The following FBXL2 variants were observed in gnomAD, a reference collection of about 807,000 sequenced individuals.
The protein encoded by FBXL2 is F-box and leucine rich repeat protein 2.
FBXL2 carries 38 observed loss-of-function variants against 69.2 expected under a neutral mutation model. That is an observed-to-expected ratio of 0.55 (90% CI 0.42 to 0.72). The LOEUF (loss-of-function observed/expected upper bound fraction) is 0.72. Ranked by LOEUF, FBXL2 falls within the 30% of genes least tolerant of loss-of-function variation. The pLI is 0.00. For missense variants in FBXL2, 354 were observed against 520.3 expected (o/e 0.68, Z 3.11); for synonymous variants, 192 against 201.3 (o/e 0.95, Z 0.39).
chr3:33,317,344 C>A, intron 2 of FBXL2: 1 of 397,760 alleles, frequency 2.5e-6, no homozygotes, highest in Non-Finnish European at 5.1e-6. Flanking sequence ...AAACCCAAAT[C>A]CCATTCATTC....
At chr3:33,336,239 G>A (rs2039568272) in intron 2 of FBXL2, among the ~76,000 whole-genome samples, 2 of 152,262 alleles carry the variant, frequency 1.3e-5, no homozygotes, top group African/African-American at 4.8e-5. Flanking sequence ...ATATTAGTGT[G>A]AGGAAAAATA....
intron 2 of FBXL2, among the ~76,000 whole-genome samples, chr3:33,340,660 G>A (rs2039948015): frequency 6.6e-6 from 1 of 151,276 alleles, no homozygotes; most frequent in South Asian, 2.1e-4. Context: ...GGGAGGCCGA[G>A]GCAGGCAGAT....
At chr3:33,404,499 T>C (rs1254283213), downstream of FBXL2, among the ~76,000 whole-genome samples, 1 of 136,370 alleles carries the variant, frequency 7.3e-6, no homozygotes, top group African/African-American at 2.7e-5. Flanking sequence ...AAAAAAAAAA[T>C]AGCCAGGTAT....
At chr3:33,420,680 G>A in the FBXL2 span, among the ~76,000 whole-genome samples, 4 of 152,242 alleles carry the variant, frequency 2.6e-5, no homozygotes, top group South Asian at 8.3e-4. Context: ...GTGGAGACAG[G>A]GTTTCACCAT....
chr3:33,331,526 C>T (rs1012643388), intron 2 of FBXL2, among the ~76,000 whole-genome samples: 1 of 152,024 alleles, frequency 6.6e-6, no homozygotes, highest in Non-Finnish European at 1.5e-5. Context: ...CTGGGTGAAG[C>T]GGGGGAAGTT....
chr3:33,314,024 A>T (rs1039167661), intron 2 of FBXL2, among the ~76,000 whole-genome samples: 4 of 152,122 alleles, frequency 2.6e-5, no homozygotes, highest in Non-Finnish European at 5.9e-5. Flanking sequence ...TAAAACTCTG[A>T]TGATGATCTA....
At chr3:33,344,761 A>G (rs536812127) in intron 2 of FBXL2, among the ~76,000 whole-genome samples, 1 of 152,362 alleles carries the variant, frequency 6.6e-6, no homozygotes, top group African/African-American at 2.4e-5. Flanking sequence ...GAGAAAGTTA[A>G]CAAAGCCCAA....
At chr3:33,326,973 A>G (rs1411875872) in intron 2 of FBXL2, among the ~76,000 whole-genome samples, 1 of 152,220 alleles carries the variant, frequency 6.6e-6, no homozygotes, top group African/African-American at 2.4e-5. Context: ...AAGCAGAACA[A>G]CTGATGTTCA....
At chr3:33,351,226 C>T (rs1395361520) in intron 2 of FBXL2, among the ~76,000 whole-genome samples, 1 of 152,026 alleles carries the variant, frequency 6.6e-6, no homozygotes, top group African/African-American at 2.4e-5. Context: ...GATTGCGCCA[C>T]TGCACTCCAG....
intron 1 of FBXL2, among the ~76,000 whole-genome samples, chr3:33,282,112 G>A (rs2034078573): frequency 6.6e-6 from 1 of 152,134 alleles, no homozygotes; most frequent in South Asian, 2.1e-4. Flanking sequence ...TAGTCACGAA[G>A]TCCTTGCCCA....
chr3:33,384,987 C>A (rs1320574735), intron 14 of FBXL2, among the ~76,000 whole-genome samples: 1 of 152,062 alleles, frequency 6.6e-6, no homozygotes, highest in Non-Finnish European at 1.5e-5. Context: ...GAGATTGCGC[C>A]ATTGCACTCC....
the FBXL2 span, chr3:33,414,081 T>C: frequency 0.015 from 2,123 of 140,462 alleles, 21 homozygotes; most frequent in South Asian, 0.029. Context: ...TTCTAGAAGG[T>C]TGGACTAAAA....
intron 13 of FBXL2, among the ~76,000 whole-genome samples, chr3:33,380,657 T>C (rs2042990751): frequency 1.3e-5 from 2 of 152,142 alleles, no homozygotes; most frequent in Non-Finnish European, 2.9e-5. Context: ...TCTGTCCTTT[T>C]TGAGAAATTC....
intron 2 of FBXL2, among the ~76,000 whole-genome samples, chr3:33,339,453 A>C (rs1376709850): frequency 6.6e-6 from 1 of 152,238 alleles, no homozygotes; most frequent in African/African-American, 2.4e-5. Context: ...ATTCAGGAAC[A>C]CAGAACCAAA....
intron 5 of FBXL2, among the ~76,000 whole-genome samples, chr3:33,367,096 CT>C (rs535361320): frequency 1.2e-4 from 17 of 146,774 alleles, no homozygotes; most frequent in East Asian, 5.9e-4. Context: ...AAGTCAGTTT[CT>C]TTTTTTTTTT....
intron 1 of FBXL2, among the ~76,000 whole-genome samples, chr3:33,279,714 TATA>T (rs912864045): frequency 2.0e-4 from 31 of 152,338 alleles, no homozygotes; most frequent in African/African-American, 6.0e-4. Context: ...ATTTCTACTC[TATA>T]ATAATAATGA....
chr3:33,310,215 G>T (rs751786727), intron 2 of FBXL2, among the ~76,000 whole-genome samples: 2 of 151,570 alleles, frequency 1.3e-5, no homozygotes, highest in Non-Finnish European at 2.9e-5. Context: ...GCAGTGGTGC[G>T]ATCTCAGCTC....
chr3:33,351,085 G>A (rs1263225847), intron 2 of FBXL2, among the ~76,000 whole-genome samples: 1 of 152,078 alleles, frequency 6.6e-6, no homozygotes, highest in South Asian at 2.1e-4. Flanking sequence ...GACCAACATG[G>A]TGAAACCCTA....
intron 2 of FBXL2, among the ~76,000 whole-genome samples, chr3:33,349,761 T>C (rs2040702155): frequency 6.6e-6 from 1 of 152,204 alleles, no homozygotes; most frequent in South Asian, 2.1e-4. Flanking sequence ...CTTTTTATTA[T>C]GGCTTTGATC....
Sources: gnomAD v4.1 joint callset for allele counts (sites outside exome capture counted in the v4.1 genomes callset) on GRCh38, gnomAD v4.1.1 for gene constraint, MANE v1.5 for transcripts, NCBI Gene and HGNC (gene_info 2026-07-23, HGNC 2026-07-21) for gene names.